ANO4: variants seen among roughly 807,000 people sequenced by gnomAD.
ANO4 encodes anoctamin-4.
ANO4 carries 69 observed loss-of-function variants against 141.9 expected under a neutral mutation model. The observed-to-expected ratio is 0.49, with a 90% CI of 0.40 to 0.59. The LOEUF (loss-of-function observed/expected upper bound fraction) is 0.59. ANO4 is among the 20% of genes least tolerant of loss of function. The pLI is 0.00. For missense variants in ANO4, 894 were observed against 1,162.2 expected (o/e 0.77, Z 3.36); for synonymous variants, 350 against 394.3 (o/e 0.89, Z 1.33).
intron 1 of ANO4, among the ~76,000 whole-genome samples, chr12:100,865,897 C>G (rs1284568681): frequency 6.6e-6 from 1 of 152,172 alleles, no homozygotes; most frequent in Non-Finnish European, 1.5e-5. Context: ...ATTGCCAGAG[C>G]TACCAGACTT....
chr12:100,789,299 C>G (rs1200960298), intron 3 of ANO4, among the ~76,000 whole-genome samples: 1 of 152,162 alleles, frequency 6.6e-6, no homozygotes, highest in Non-Finnish European at 1.5e-5. Flanking sequence ...TCCACTCTTT[C>G]CACCTCATCC....
chr12:101,107,295 A>G (rs754384957), intron 22 of ANO4, among the ~76,000 whole-genome samples: 7 of 152,226 alleles, frequency 4.6e-5, no homozygotes, highest in Non-Finnish European at 1.0e-4. Context: ...TCCCATACAC[A>G]AAACCCCTGT....
intron 1 of ANO4, among the ~76,000 whole-genome samples, chr12:100,811,465 A>G (rs574023847): frequency 2.2e-4 from 33 of 152,268 alleles, no homozygotes; most frequent in African/African-American, 7.5e-4. Flanking sequence ...AAAGTTTTTT[A>G]TGGCTCCCAG....
chr12:101,091,490 G>A lies in ANO4; in HGVS notation c.1702-2766G>A, dbSNP rs141100679. ...GAACATCTTAAAAAAATTTTAAGTC[G>A]TTTCTATCAGCATAAGGGATGACAG... On this transcript the variant is annotated intron_variant, in intron 17 of 27. Transcript: ENST00000392977. Among the ~76,000 whole-genome samples, 54 of 152,170 alleles carry A rather than the reference G, an allele frequency of 3.5e-4. 1 individual carries two copies. The highest frequency in any genetic ancestry group is 6.8e-3 in the Middle Eastern group (2 of 294).
chr12:100,865,002 G>A (rs1215686220), intron 1 of ANO4, among the ~76,000 whole-genome samples: 2 of 152,140 alleles, frequency 1.3e-5, no homozygotes, highest in Non-Finnish European at 2.9e-5. Context: ...TGGTGTATAT[G>A]TGCCACATTT....
intron 3 of ANO4, among the ~76,000 whole-genome samples, chr12:100,774,424 G>A (rs903611811): frequency 1.3e-5 from 2 of 152,154 alleles, no homozygotes; most frequent in African/African-American, 2.4e-5. Flanking sequence ...GTCATGGGGT[G>A]TAACTAATTG....
At chr12:100,996,930 A>G (rs1566106037) in intron 8 of ANO4, among the ~76,000 whole-genome samples, 1 of 152,220 alleles carries the variant, frequency 6.6e-6, no homozygotes, top group Non-Finnish European at 1.5e-5. Flanking sequence ...CCAGGGTTAC[A>G]CCATAGGTAT....
At chr12:100,749,644 T>C (rs1332974250) in intron 3 of ANO4, among the ~76,000 whole-genome samples, 1 of 152,248 alleles carries the variant, frequency 6.6e-6, no homozygotes, top group East Asian at 1.9e-4. Flanking sequence ...AATTTAATGA[T>C]GTAGCTATGA....
chr12:100,929,720 A>G (rs1415929961), intron 3 of ANO4, among the ~76,000 whole-genome samples: 1 of 152,124 alleles, frequency 6.6e-6, no homozygotes, highest in Non-Finnish European at 1.5e-5. Context: ...ACTGATTTAC[A>G]TTCCCACCAG....
At chr12:100,865,385 T>A (rs2038702120) in intron 1 of ANO4, among the ~76,000 whole-genome samples, 1 of 152,084 alleles carries the variant, frequency 6.6e-6, no homozygotes, top group Non-Finnish European at 1.5e-5. Context: ...ACCTACAGAA[T>A]GGAAGAAAAT....
chr12:100,728,284 T>G (rs1015541152), intron 1 of ANO4, among the ~76,000 whole-genome samples: 2 of 152,326 alleles, frequency 1.3e-5, no homozygotes, highest in Middle Eastern at 3.4e-3. Context: ...CCAAATAATT[T>G]GAGATAAATA....
chr12:101,040,382 T>C (rs929478823), intron 11 of ANO4, among the ~76,000 whole-genome samples: 17 of 152,244 alleles, frequency 1.1e-4, no homozygotes, highest in African/African-American at 2.9e-4. Flanking sequence ...GTGAGTCTTA[T>C]TGACAAACCA....
chr12:100,937,316 TAATA>T (rs1374837277), intron 3 of ANO4, among the ~76,000 whole-genome samples: 10 of 152,168 alleles, frequency 6.6e-5, no homozygotes, highest in African/African-American at 2.2e-4. Context: ...TAAACAAGTC[TAATA>T]AATAAATGAA....
chr12:101,003,955 A>G (rs1223909184), intron 8 of ANO4, among the ~76,000 whole-genome samples: 4 of 152,124 alleles, frequency 2.6e-5, no homozygotes, highest in East Asian at 3.9e-4. Flanking sequence ...TCAAAAATCT[A>G]TCTTTATACT....
intron 5 of ANO4, among the ~76,000 whole-genome samples, chr12:100,966,907 A>G (rs2136254098): frequency 6.6e-6 from 1 of 151,626 alleles, no homozygotes; most frequent in Non-Finnish European, 1.5e-5. Context: ...ACACACACAT[A>G]CATATATATA....
intron 22 of ANO4, among the ~76,000 whole-genome samples, chr12:101,106,802 T>C (rs1011129951): frequency 3.3e-5 from 5 of 151,840 alleles, no homozygotes; most frequent in Admixed American, 2.6e-4. Context: ...GTTTGTTATA[T>C]CATTCTTTAT....
chr12:100,815,391 CTGAT>C (rs1027199235), intron 1 of ANO4, among the ~76,000 whole-genome samples: 1 of 152,112 alleles, frequency 6.6e-6, no homozygotes, highest in Non-Finnish European at 1.5e-5. Context: ...ATATTTGACA[CTGAT>C]TGATGAGTAG....
chr12:101,055,852 G>A (rs978280013), intron 14 of ANO4, among the ~76,000 whole-genome samples: 1 of 152,132 alleles, frequency 6.6e-6, no homozygotes, highest in Non-Finnish European at 1.5e-5. Flanking sequence ...ATGGCATAAC[G>A]TAAGGGGCAG....
chr12:100,862,764 T>C (rs1456735893), intron 1 of ANO4, among the ~76,000 whole-genome samples: 1 of 152,204 alleles, frequency 6.6e-6, no homozygotes, highest in Non-Finnish European at 1.5e-5. Flanking sequence ...TTATAATGGC[T>C]ATGACATCAC....
Sources: gnomAD v4.1 joint callset for allele counts (sites outside exome capture counted in the v4.1 genomes callset) on GRCh38, gnomAD v4.1.1 for gene constraint, MANE v1.5 for transcripts, NCBI Gene and HGNC (gene_info 2026-07-23, HGNC 2026-07-21) for gene names.